Variants in PLEKHA8 observed in about 807,000 individuals in gnomAD.
PLEKHA8 encodes pleckstrin homology domain-containing family A member 8.
PLEKHA8 carries 36 observed loss-of-function variants against 68.2 expected under a neutral mutation model. The observed-to-expected ratio is 0.53, with a 90% CI of 0.40 to 0.70. The LOEUF is 0.70. PLEKHA8 is among the 30% of genes least tolerant of loss of function. PLEKHA8 has a pLI of 0.00. For synonymous variants in PLEKHA8, 211 were observed against 216.1 expected, an observed-to-expected ratio of 0.98 and a Z score of 0.20; for missense variants, 505 against 615.4, an observed-to-expected ratio of 0.82 and a Z score of 1.90.
chr7:30,041,419 A>AT (rs59541222), intron 1 of PLEKHA8, among the ~76,000 whole-genome samples: 30,056 of 120,152 alleles, frequency 0.25, 3,645 homozygotes, highest in Admixed American at 0.29. Context: ...TACCAGCTAC[A>AT]TTTTTTTTTT....
chr7:30,076,022 C>T (rs1794589623), intron 13 of PLEKHA8, among the ~76,000 whole-genome samples: 1 of 151,802 alleles, frequency 6.6e-6, no homozygotes, highest in Non-Finnish European at 1.5e-5. Context: ...TTTTAATTTA[C>T]ATATTCTTTT....
chr7:30,051,740 G>A (rs1792426832), intron 6 of PLEKHA8, among the ~76,000 whole-genome samples: 3 of 152,114 alleles, frequency 2.0e-5, no homozygotes, highest in African/African-American at 7.2e-5. Flanking sequence ...TTGGGAGGCC[G>A]AGACGGGTGG....
chr7:30,073,778 A>G (rs1326291108), intron 12 of PLEKHA8, among the ~76,000 whole-genome samples: 1 of 152,078 alleles, frequency 6.6e-6, no homozygotes. Flanking sequence ...ACCTGAGCCC[A>G]GGAGTTCCAG....
At chr7:30,100,851 G>A (rs1795825843) in intron 13 of PLEKHA8, among the ~76,000 whole-genome samples, 1 of 152,170 alleles carries the variant, frequency 6.6e-6, no homozygotes, top group Non-Finnish European at 1.5e-5. Flanking sequence ...GACTATTTAA[G>A]CTAATAGCTA....
intron 12 of PLEKHA8, among the ~76,000 whole-genome samples, chr7:30,063,710 A>G (rs764038774): frequency 1.3e-4 from 20 of 152,174 alleles, no homozygotes; most frequent in Admixed American, 5.2e-4. Context: ...GAGAGCTGAC[A>G]TTTCTATAGC....
intron 1 of PLEKHA8, among the ~76,000 whole-genome samples, chr7:30,033,057 C>A (rs997239365): frequency 2.0e-5 from 3 of 152,218 alleles, no homozygotes; most frequent in African/African-American, 7.2e-5. Flanking sequence ...GCTGTGTAAA[C>A]AGTACCAGGA....
At chr7:30,074,281 G>A (rs1269928741) in intron 13 of PLEKHA8, 149 bp downstream of exon 13, 14 of 491,942 alleles carry the variant, frequency 2.8e-5, no homozygotes, top group Non-Finnish European at 4.5e-5. Context: ...TGTATGTGTG[G>A]TGTTTTTGTT....
chr7:30,111,603 ATTTAT>A (rs1322928090), intron 13 of PLEKHA8, among the ~76,000 whole-genome samples: 3 of 147,734 alleles, frequency 2.0e-5, no homozygotes, highest in African/African-American at 7.4e-5. Context: ...AAAAATGGAC[ATTTAT>A]TTTATTACCA....
chr7:30,045,283 C>T (rs1791865857), intron 2 of PLEKHA8, 82 bp downstream of exon 2: 18 of 978,202 alleles, frequency 1.8e-5, no homozygotes, highest in Non-Finnish European at 2.8e-5. Context: ...CCCTGCATAC[C>T]TTTCTCTGCT....
chr7:30,056,026 T>G (rs1237532790), intron 9 of PLEKHA8, among the ~76,000 whole-genome samples: 1 of 149,364 alleles, frequency 6.7e-6, no homozygotes, highest in Non-Finnish European at 1.5e-5. Context: ...CACTGCAAGC[T>G]CCGCCCCCCA....
intron 6 of PLEKHA8, among the ~76,000 whole-genome samples, chr7:30,051,888 A>G (rs1174578734): frequency 3.9e-5 from 6 of 152,138 alleles, no homozygotes; most frequent in African/African-American, 9.7e-5. Context: ...CAGGAGAATC[A>G]CTTGAACCCG....
rs773840352 is a variant in PLEKHA8 at position 30,084,589 on chromosome 7, A to C, written c.*5802A>C. The stretch of plus-strand genomic sequence containing the variant: ...GGAGGGTTTTACTTTTTTTGCAAAA[A>C]TGTTTGAAAATATCTGTCAGATTTT... On this transcript the variant is annotated 3_prime_UTR_variant, in exon 14 of 14. Coordinates refer to ENST00000449726, the MANE Select transcript of PLEKHA8 (RefSeq NM_001197026.2). The C allele has an allele frequency of 9.1e-5, 88 of 966,336 alleles. No individual in the cohort carries two copies. Among genetic ancestry groups the C allele is most frequent in the Non-Finnish European group, 1.0e-4 (82 of 812,762 alleles). The allele number at this position is 966,336 out of a possible 1,614,324, so 59.9% of individuals were successfully genotyped here.
chr7:30,074,071 A>T lies in PLEKHA8; in HGVS notation c.1301A>T (p.Asn434Ile). The change falls in exon 13 of 14, where the codon AAT becomes ATT. Residue 434 changes from asparagine to isoleucine, a missense_variant and splice_region_variant. By Grantham distance (149) the Asn-to-Ile change is moderately radical. Coordinates refer to ENST00000449726, the MANE Select transcript of PLEKHA8 (RefSeq NM_001197026.2). ...TCATGGAGTTTTTCTTCTTTTCAAG[A>T]TAATGCATATGGTAAAACATTGCGG... ...NGEKDIQTAL[N>I]NAYGKTLRQH... is the part of the protein sequence containing the mutation. The T allele has an allele frequency of 1.2e-6, 2 of 1,611,674 alleles. No homozygotes were observed. The highest frequency in any genetic ancestry group is 1.7e-6 in the Non-Finnish European group (2 of 1,178,496).
At chr7:30,102,158 A>C (rs542675484) in intron 13 of PLEKHA8, among the ~76,000 whole-genome samples, 1 of 152,374 alleles carries the variant, frequency 6.6e-6, no homozygotes, top group East Asian at 1.9e-4. Flanking sequence ...GAAGACATAC[A>C]GATGGCCAAT....
In PLEKHA8 at chr7:30,047,812, A is replaced by G; in HGVS notation, c.314-20A>G. On this transcript the variant is annotated intron_variant, in intron 3 of 13. Coordinates refer to ENST00000449726, the MANE Select transcript of PLEKHA8 (RefSeq NM_001197026.2). ...AGTTGTTTGTTCTGGTTACTGCATTATCATCATTTTGTCATTTAGAGTTTG... is the reference window on the plus strand; with the variant it reads ...AGTTGTTTGTTCTGGTTACTGCATTGTCATCATTTTGTCATTTAGAGTTTG... 1.9e-6 allele frequency: 3 copies of G among 1,605,220 alleles called. No individual in the cohort carries two copies. Among genetic ancestry groups the G allele is most frequent in the Non-Finnish European group, 2.6e-6 (3 of 1,174,994 alleles).
intron 1 of PLEKHA8, among the ~76,000 whole-genome samples, chr7:30,040,949 G>A (rs776490496): frequency 1.1e-4 from 17 of 152,234 alleles, no homozygotes; most frequent in Non-Finnish European, 1.9e-4. Context: ...GGAGCAGGGA[G>A]TAGTACAGAC....
intron 13 of PLEKHA8, among the ~76,000 whole-genome samples, chr7:30,128,952 G>A (rs1204037962): frequency 6.6e-6 from 1 of 152,152 alleles, no homozygotes; most frequent in Non-Finnish European, 1.5e-5. Flanking sequence ...ACTCATTACT[G>A]CAGGGATGGC....
intron 6 of PLEKHA8, chr7:30,050,707 AC>A: frequency 2.5e-6 from 1 of 399,142 alleles, no homozygotes; most frequent in Non-Finnish European, 4.3e-6. Context: ...GATGGATCTC[AC>A]CCATCACATC....
chr7:30,060,573 C>G (rs571457373), intron 9 of PLEKHA8, among the ~76,000 whole-genome samples: 25 of 152,204 alleles, frequency 1.6e-4, no homozygotes, highest in Non-Finnish European at 2.9e-4. Context: ...CAAGTACTAA[C>G]TAGCCACATA....
Sources: allele counts gnomAD v4.1 joint callset (sites outside exome capture counted in the v4.1 genomes callset), GRCh38; gene constraint gnomAD v4.1.1; transcripts MANE v1.5; gene names NCBI Gene and HGNC (gene_info 2026-07-23, HGNC 2026-07-21).